Variants in TRPM8 observed in about 807,000 individuals in gnomAD.
TRPM8 encodes the protein TRPM8 cationic channel.
A neutral mutation model predicts 133.7 loss-of-function variants in TRPM8; 110 were observed. That is an observed-to-expected ratio of 0.82 (90% CI 0.70 to 0.96). The LOEUF (loss-of-function observed/expected upper bound fraction) is 0.96. Among genes scored for constraint, TRPM8 ranks in the 40% least tolerant of loss-of-function variants. The pLI is 0.00. For missense variants in TRPM8, 1,291 were observed against 1,379.5 expected (o/e 0.94, Z 1.02); for synonymous variants, 535 against 532.3 (o/e 1.01, Z -0.07).
chr2:233,971,318 C>T (rs1316179147), intron 17 of TRPM8, among the ~76,000 whole-genome samples: 1 of 152,182 alleles, frequency 6.6e-6, no homozygotes, highest in African/African-American at 2.4e-5. Context: ...CTTAAAGTTT[C>T]ATGCCAACTC....
chr2:233,918,924 G>A (rs1362507845), intron 1 of TRPM8, among the ~76,000 whole-genome samples: 2 of 152,200 alleles, frequency 1.3e-5, no homozygotes, highest in Non-Finnish European at 2.9e-5. Context: ...ATGGCTCAAA[G>A]AGTGGAGATG....
intron 3 of TRPM8, chr2:233,934,036 G>C: frequency 3.0e-5 from 5 of 167,164 alleles, no homozygotes. Flanking sequence ...TAAATGCCTT[G>C]AGAAATATTT....
chr2:234,004,767 T>C lies in TRPM8; in HGVS notation c.3131-2086T>C, dbSNP rs1692652558. Among the ~76,000 whole-genome samples, 5 of 152,344 alleles carry C rather than the reference T, an allele frequency of 3.3e-5. No homozygotes were observed. The South Asian group carries it at 1.0e-3, about 32-fold the overall frequency. On this transcript the variant is annotated intron_variant, in intron 22 of 25. Coordinates refer to ENST00000324695, the MANE Select transcript of TRPM8 (RefSeq NM_024080.5). ...GATGAAGAGCACATGTAACCCACCA[T>C]CCAGAGGTAAATATTGTCAACACAC...
At chr2:234,003,234 T>C (rs917483832) in intron 22 of TRPM8, among the ~76,000 whole-genome samples, 1 of 152,234 alleles carries the variant, frequency 6.6e-6, no homozygotes, top group African/African-American at 2.4e-5. Flanking sequence ...ACTCGTGTCA[T>C]GCCTTAAAGA....
In TRPM8 at chr2:233,963,274, C is replaced by A. The variant is rs761035679; in HGVS notation, c.1654-8C>A. 2.5e-6 allele frequency: 4 copies of A among 1,598,802 alleles called. No individual in the cohort carries two copies. Among genetic ancestry groups the A allele is most frequent in the Non-Finnish European group, 3.4e-6 (4 of 1,167,390 alleles). On this transcript the variant is annotated splice_region_variant and splice_polypyrimidine_tract_variant and intron_variant, in intron 12 of 25. Coordinates refer to ENST00000324695, the MANE Select transcript of TRPM8 (RefSeq NM_024080.5). Reference sequence around the variant, plus strand: ...TGCACATGCTGACCACATGCTCTAACCCCCCAGGACGTGTCTCCTATTACT... The same window carrying A: ...TGCACATGCTGACCACATGCTCTAAACCCCCAGGACGTGTCTCCTATTACT...
chr2:234,013,043 T>A lies in TRPM8; in HGVS notation c.3265-1519T>A, dbSNP rs965554011. ...CAGTTTGCTAGTATTTTATTGAGAT[T>A]TCTGTATCTATGTTCCTCAGGAACA... is the stretch of plus-strand genomic sequence containing the variant. On this transcript the variant is annotated intron_variant, in intron 24 of 25. Coordinates refer to ENST00000324695, the MANE Select transcript of TRPM8 (RefSeq NM_024080.5). 4.6e-5 allele frequency among the ~76,000 whole-genome samples: 7 copies of A among 152,296 alleles called. No individual in the cohort carries two copies. The South Asian group carries it at 1.5e-3, about 32-fold the overall frequency.
rs1330075047 is a variant in TRPM8 at position 234,018,210 on chromosome 2, T to C, written c.*954T>C. On this transcript the variant is annotated 3_prime_UTR_variant, in exon 26 of 26. Transcript: ENST00000324695. ...ATACTTTTTATGTAAGCTTTTTCACTTAGTATTTTATCAAATATGTTTTTA... is the reference window on the plus strand; with the variant it reads ...ATACTTTTTATGTAAGCTTTTTCACCTAGTATTTTATCAAATATGTTTTTA... The C allele has an allele frequency of 6.6e-6, 1 of 152,146 alleles. No homozygotes were observed. The highest frequency in any genetic ancestry group is 2.4e-5 in the African/African-American group (1 of 41,458). 9.4% of individuals were successfully genotyped at this position (152,146 alleles called of 1,614,324 possible).
In TRPM8 at chr2:233,964,748, C is replaced by T. The variant is rs772095577; in HGVS notation, c.1870C>T (p.Arg624Trp). Reference sequence around the variant, plus strand: ...GGAGCTGGCTAATGAGTACGAGACCCGGGCTGTTGGTGAGTCCACAGTGTG... The same window carrying T: ...GGAGCTGGCTAATGAGTACGAGACCTGGGCTGTTGGTGAGTCCACAGTGTG... ...SEELANEYET[R>W]AVELFTECYS... Residue 624 changes from arginine to tryptophan, a missense_variant, in exon 14 of 26, where the codon CGG becomes TGG. By Grantham distance (101) the Arg-to-Trp change is moderately radical. This residue lies in a region of TRPM8 where 963 missense variants were observed against 968.9 expected (regional missense o/e 0.99). Coordinates refer to ENST00000324695, the MANE Select transcript of TRPM8 (RefSeq NM_024080.5). 41 of 1,610,864 alleles carry T rather than the reference C, an allele frequency of 2.5e-5. No individual in the cohort carries two copies. The highest frequency in any genetic ancestry group is 3.2e-5 in the Non-Finnish European group (38 of 1,177,914).
chr2:234,008,751 C>T (rs1692759817), intron 24 of TRPM8, among the ~76,000 whole-genome samples: 1 of 152,092 alleles, frequency 6.6e-6, no homozygotes, highest in Admixed American at 6.5e-5. Flanking sequence ...GACAGGACCC[C>T]ATCTGGTTTG....
intron 3 of TRPM8, among the ~76,000 whole-genome samples, chr2:233,934,201 G>C (rs892256574): frequency 6.6e-6 from 1 of 152,120 alleles, no homozygotes; most frequent in Non-Finnish European, 1.5e-5. Context: ...TAGAAACGGT[G>C]ACTGATGAGG....
At chr2:233,922,310 A>G (rs1477526739) in intron 1 of TRPM8, among the ~76,000 whole-genome samples, 1 of 151,956 alleles carries the variant, frequency 6.6e-6, no homozygotes, top group South Asian at 2.1e-4. Flanking sequence ...TCTTTTTACA[A>G]TCCCTTTGCT....
intron 5 of TRPM8, among the ~76,000 whole-genome samples, chr2:233,942,078 T>A (rs1439869608): frequency 1.4e-5 from 2 of 142,062 alleles, no homozygotes; most frequent in African/African-American, 3.0e-5. Context: ...AATCTTTTTT[T>A]TTTTTTTTTT....
At chr2:233,983,314 C>A (rs1173154716) in intron 20 of TRPM8, 90 bp downstream of exon 20, 1 of 1,438,576 alleles carries the variant, frequency 7.0e-7, no homozygotes, top group Admixed American at 1.7e-5. Context: ...GACCGCACTT[C>A]AGAAGCACGC....
chr2:233,970,466 G>A lies in TRPM8; in HGVS notation c.2355+40G>A, dbSNP rs773479159. 1.8e-5 allele frequency: 29 copies of A among 1,570,808 alleles called. No individual in the cohort carries two copies. In the African/African-American group the frequency reaches 2.4e-4, roughly 13 times the overall value. On this transcript the variant is annotated intron_variant, in intron 17 of 25. Coordinates refer to ENST00000324695, the MANE Select transcript of TRPM8 (RefSeq NM_024080.5). ...ACAGCAGGAACCCCCTCGCTTCCTCGGTGGGAGGCATCTTTCTAAAGCCAA... is the reference window on the plus strand; with the variant it reads ...ACAGCAGGAACCCCCTCGCTTCCTCAGTGGGAGGCATCTTTCTAAAGCCAA...
chr2:233,952,175 C>T (rs905482244), intron 9 of TRPM8, among the ~76,000 whole-genome samples: 1 of 152,142 alleles, frequency 6.6e-6, no homozygotes, highest in African/African-American at 2.4e-5. Context: ...GCACATACTG[C>T]GTGCCGGGTT....
At chr2:233,927,777 TCTTTCTTTCTTTCTTTTCTTTC>T (rs1691563862) in intron 2 of TRPM8, among the ~76,000 whole-genome samples, 2 of 59,666 alleles carry the variant, frequency 3.4e-5, no homozygotes, top group Admixed American at 1.8e-4. Context: ...TTTCTTTCTT[TCTTTCTTTCTTTCTTTTCTTTC>T]CTTCCTTCCT....
intron 3 of TRPM8, among the ~76,000 whole-genome samples, chr2:233,931,028 C>A (rs1162745468): frequency 2.6e-5 from 4 of 152,170 alleles, no homozygotes; most frequent in Non-Finnish European, 5.9e-5. Context: ...ACCTGAGTGA[C>A]CTTGGTAATG....
At chr2:233,958,328 T>C (rs1691341387) in intron 11 of TRPM8, among the ~76,000 whole-genome samples, 2 of 151,960 alleles carry the variant, frequency 1.3e-5, no homozygotes, top group Non-Finnish European at 2.9e-5. Flanking sequence ...GGCTGGAAAA[T>C]GGTAGAATCA....
chr2:233,934,143 A>G (rs562524677), intron 3 of TRPM8, among the ~76,000 whole-genome samples: 2 of 152,344 alleles, frequency 1.3e-5, no homozygotes, highest in South Asian at 4.1e-4. Flanking sequence ...CTATAAGGAA[A>G]AAGAAATGCC....
Sources: gnomAD v4.1 joint callset for allele counts (sites outside exome capture counted in the v4.1 genomes callset) on GRCh38, gnomAD v4.1.1 for gene constraint, gnomAD v4.1.1 regional missense constraint, MANE v1.5 for transcripts, NCBI Gene and HGNC (gene_info 2026-07-23, HGNC 2026-07-21) for gene names.